The following DDAH1 variants were observed in gnomAD, a reference collection of about 807,000 sequenced individuals.
The protein encoded by DDAH1 is N(G),N(G)-dimethylarginine dimethylaminohydrolase 1.
A neutral mutation model predicts 28.8 loss-of-function variants in DDAH1; 19 were observed. The ratio of observed to expected loss-of-function variants is 0.66; its 90% CI spans 0.46 to 0.97. The LOEUF (loss-of-function observed/expected upper bound fraction) is 0.97. DDAH1 is among the 50% of genes least tolerant of loss of function. The pLI, the probability that DDAH1 is intolerant of heterozygous loss-of-function variation, is 0.00. For synonymous variants in DDAH1, 153 were observed against 154.4 expected, an observed-to-expected ratio of 0.99 and a Z score of 0.07; for missense variants, 326 against 375.9, an observed-to-expected ratio of 0.87 and a Z score of 1.10.
At chr1:85,421,318 C>T (rs905137609) in intron 1 of DDAH1, among the ~76,000 whole-genome samples, 1 of 152,176 alleles carries the variant, frequency 6.6e-6, no homozygotes, top group South Asian at 2.1e-4. Flanking sequence ...TTTAATCTTA[C>T]AAATTCCACT....
intron 1 of DDAH1, among the ~76,000 whole-genome samples, chr1:85,550,652 A>T (rs1402838628): frequency 1.3e-5 from 2 of 152,200 alleles, no homozygotes; most frequent in African/African-American, 4.8e-5. Context: ...GGTAAAATTA[A>T]GTCAAACATT....
chr1:85,451,608 T>G (rs1654673666), intron 1 of DDAH1, among the ~76,000 whole-genome samples: 1 of 152,072 alleles, frequency 6.6e-6, no homozygotes, highest in South Asian at 2.1e-4. Context: ...GAACGCCCCC[T>G]CTCAAAAGTG....
chr1:85,453,001 A>G (rs977032950), intron 1 of DDAH1, among the ~76,000 whole-genome samples: 1 of 152,150 alleles, frequency 6.6e-6, no homozygotes, highest in Non-Finnish European at 1.5e-5. Context: ...GTGTGTGTGT[A>G]TGTTATAAAA....
chr1:85,341,170 GGCAGAGATCAT>G (rs1257688457), intron 4 of DDAH1, among the ~76,000 whole-genome samples: 1 of 152,208 alleles, frequency 6.6e-6, no homozygotes, highest in Non-Finnish European at 1.5e-5. Flanking sequence ...CAGCCTTGAA[GGCAGAGATCAT>G]GCAGAGATCA....
intron 1 of DDAH1, among the ~76,000 whole-genome samples, chr1:85,406,198 G>A (rs567792770): frequency 7.2e-5 from 11 of 152,284 alleles, no homozygotes; most frequent in Non-Finnish European, 1.3e-4. Context: ...CAAAAGCCAC[G>A]TTCTATCTCA....
At chr1:85,494,284 CT>C (rs1323251957) in intron 2 of DDAH1, 1 of 152,202 alleles carries the variant, frequency 6.6e-6, no homozygotes, top group African/African-American at 2.4e-5. Flanking sequence ...TGCATTAAGG[CT>C]GCCTAACTTA....
intron 1 of DDAH1, chr1:85,521,509 T>A: frequency 3.1e-6 from 2 of 637,048 alleles, no homozygotes; most frequent in Non-Finnish European, 3.9e-6. Flanking sequence ...AAAACCTTCG[T>A]AAGAGAGCCT....
At chr1:85,547,770 G>T (rs1014951309) in intron 1 of DDAH1, among the ~76,000 whole-genome samples, 21 of 152,342 alleles carry the variant, frequency 1.4e-4, no homozygotes, top group Admixed American at 1.2e-3. Context: ...CTGTGAGGAA[G>T]ATGCTGACTG....
At chr1:85,388,675 G>T (rs1358767257) in intron 1 of DDAH1, among the ~76,000 whole-genome samples, 1 of 152,080 alleles carries the variant, frequency 6.6e-6, no homozygotes, top group Non-Finnish European at 1.5e-5. Context: ...TCTCCTCTTT[G>T]GCTTATCTGG....
At chr1:85,404,931 G>T (rs1240145336) in intron 1 of DDAH1, among the ~76,000 whole-genome samples, 7 of 152,130 alleles carry the variant, frequency 4.6e-5, no homozygotes, top group African/African-American at 1.7e-4. Flanking sequence ...TCTTTCCTTT[G>T]GGTTTTGTTT....
chr1:85,414,193 G>A lies in DDAH1; in HGVS notation c.303+50550C>T, dbSNP rs143047174. 6.2e-3 allele frequency among the ~76,000 whole-genome samples: 948 copies of A among 152,212 alleles called. 9 individuals carry two copies. Among genetic ancestry groups the A allele is most frequent in the African/African-American group, 0.022 (919 of 41,528 alleles). ...CCAGAAACAGATCCACACATATATA[G>A]GGCTATAGCTCACAACAAAGAGAGC... is the stretch of plus-strand genomic sequence containing the variant. On this transcript the variant is annotated intron_variant, in intron 1 of 5. Transcript: ENST00000284031.
At chr1:85,338,751 T>C (rs887142620) in intron 4 of DDAH1, among the ~76,000 whole-genome samples, 3 of 151,964 alleles carry the variant, frequency 2.0e-5, no homozygotes, top group African/African-American at 7.2e-5. Flanking sequence ...TTCAAATTAA[T>C]ATGATCTGGC....
chr1:85,488,467 C>A (rs1195311256), intron 2 of DDAH1: 2 of 152,146 alleles, frequency 1.3e-5, no homozygotes, highest in East Asian at 1.9e-4. Flanking sequence ...ATGAGAGTCC[C>A]ACCCTCATAA....
chr1:85,537,602 A>G (rs1486496888), intron 1 of DDAH1, among the ~76,000 whole-genome samples: 2 of 143,316 alleles, frequency 1.4e-5, no homozygotes, highest in African/African-American at 2.6e-5. Flanking sequence ...ATTGCAGGGT[A>G]GGAATAACTG....
At chr1:85,379,806 C>T (rs563795904) in intron 1 of DDAH1, 2 of 642,384 alleles carry the variant, frequency 3.1e-6, no homozygotes, top group South Asian at 7.0e-5. Context: ...CTTAGGTCAT[C>T]TTTGACTCCT....
intron 1 of DDAH1, among the ~76,000 whole-genome samples, chr1:85,432,118 C>T: frequency 6.6e-6 from 1 of 152,194 alleles, no homozygotes; most frequent in East Asian, 1.9e-4. Flanking sequence ...AATGTACTCC[C>T]TCTTTAGGCC....
At chr1:85,390,385 T>G (rs986382960) in intron 1 of DDAH1, among the ~76,000 whole-genome samples, 3 of 152,182 alleles carry the variant, frequency 2.0e-5, no homozygotes, top group Admixed American at 6.5e-5. Context: ...TCCCAAGACA[T>G]TCTACAGCGT....
chr1:85,570,622 T>A (rs1659427839), intron 1 of DDAH1, among the ~76,000 whole-genome samples: 1 of 152,188 alleles, frequency 6.6e-6, no homozygotes, highest in South Asian at 2.1e-4. Context: ...AAACAGAGAT[T>A]CCATATGTCT....
In DDAH1 at chr1:85,556,890, G is replaced by C. The variant is rs531943283; in HGVS notation, c.-123+21094C>G. Among the ~76,000 whole-genome samples, 16 of 152,318 alleles carry C rather than the reference G, an allele frequency of 1.1e-4. No individual in the cohort carries two copies. In the East Asian group the frequency reaches 3.1e-3, roughly 29 times the overall value. ...CAAGCACTTTGGGAGGCCGAGGCGGGCTGATTACCTGAGGTCAGGAGTTCT... is the reference window on the plus strand; with the variant it reads ...CAAGCACTTTGGGAGGCCGAGGCGGCCTGATTACCTGAGGTCAGGAGTTCT... On this transcript the variant is annotated intron_variant, in intron 1 of 6. Transcript: ENST00000426972.
Sources: gnomAD v4.1 joint callset for allele counts (sites outside exome capture counted in the v4.1 genomes callset) on GRCh38, gnomAD v4.1.1 for gene constraint, MANE v1.5 for transcripts, NCBI Gene and HGNC (gene_info 2026-07-23, HGNC 2026-07-21) for gene names.